The following RSPH14 variants were observed in gnomAD, a reference collection of about 807,000 sequenced individuals.
RSPH14 encodes radial spoke head 14 homolog, also known as rhabdoid tumor deletion region gene 1.
A neutral mutation model predicts 26.7 loss-of-function variants in RSPH14; 20 were observed. The observed-to-expected ratio is 0.75, with a 90% CI of 0.53 to 1.09. RSPH14 has a LOEUF of 1.09. RSPH14 is among the 50% of genes least tolerant of loss of function. The pLI is 0.00. For synonymous variants in RSPH14, 177 were observed against 189.3 expected (o/e 0.93, Z 0.53); for missense variants, 449 against 457.2 (o/e 0.98, Z 0.16).
chr22:23,157,094 G>C, the RSPH14 span, among the ~76,000 whole-genome samples: 2 of 152,174 alleles, frequency 1.3e-5, no homozygotes, highest in South Asian at 2.1e-4. Context: ...AACAGGACCG[G>C]GGTGCGGCCA....
chr22:23,103,274 GTTC>G (rs1246593900), intron 4 of RSPH14, among the ~76,000 whole-genome samples: 1 of 152,190 alleles, frequency 6.6e-6, no homozygotes, highest in East Asian at 1.9e-4. Context: ...CTACAAAACA[GTTC>G]TACTCCTCCC....
the RSPH14 span, chr22:23,180,359 A>AG: frequency 6.6e-6 from 1 of 151,528 alleles, no homozygotes; most frequent in Non-Finnish European, 1.4e-5. Context: ...CAAAAGGCAC[A>AG]GGGACGGGGG....
intron 4 of RSPH14, among the ~76,000 whole-genome samples, chr22:23,081,549 A>G (rs551886303): frequency 4.6e-5 from 7 of 151,876 alleles, no homozygotes; most frequent in Admixed American, 3.3e-4. Flanking sequence ...TTATAGGCCA[A>G]TCAGGTTCAT....
At chr22:23,153,205 C>T in the RSPH14 span, 26 of 1,153,682 alleles carry the variant, frequency 2.3e-5, no homozygotes, top group Middle Eastern at 2.0e-4. Context: ...TTGGGGAGCT[C>T]CTTCACTGTG....
intron 4 of RSPH14, among the ~76,000 whole-genome samples, chr22:23,097,419 G>A (rs2069157624): frequency 6.6e-6 from 1 of 152,222 alleles, no homozygotes; most frequent in Non-Finnish European, 1.5e-5. Flanking sequence ...AGTGGCCATG[G>A]TGCTAGGAGC....
intron 4 of RSPH14, among the ~76,000 whole-genome samples, chr22:23,130,530 A>AAGAAAGAAAGAAAGAAAGAG (rs1569193238): frequency 8.0e-6 from 1 of 124,392 alleles, no homozygotes; most frequent in African/African-American, 3.0e-5. Context: ...GAAAGAAAGA[A>AAGAAAGAAAGAAAGAAAGAG]AGAGAAAGAA....
intron 4 of RSPH14, among the ~76,000 whole-genome samples, chr22:23,102,992 T>C (rs2069349631): frequency 6.6e-6 from 1 of 152,144 alleles, no homozygotes; most frequent in African/African-American, 2.4e-5. Context: ...CTGGTAAGCC[T>C]TGAGGGAGGA....
upstream of RSPH14, chr22:23,145,350 G>T: frequency 3.7e-6 from 6 of 1,601,032 alleles, no homozygotes; most frequent in Non-Finnish European, 5.1e-6. Flanking sequence ...CAGACTCCAG[G>T]CAGGTTCTCG....
At chr22:23,146,092 G>A (rs2070755053), upstream of RSPH14, 1 of 904,124 alleles carries the variant, frequency 1.1e-6, no homozygotes, top group Non-Finnish European at 1.3e-6. Context: ...CAGGTCTTCT[G>A]ACTCCCAGGC....
intron 4 of RSPH14, among the ~76,000 whole-genome samples, chr22:23,118,477 G>A (rs972385225): frequency 1.5e-5 from 2 of 137,412 alleles, no homozygotes; most frequent in African/African-American, 2.7e-5. Flanking sequence ...TCCCCGCCCC[G>A]CCCCACCCCC....
chr22:23,112,440 G>A (rs558240591), intron 4 of RSPH14, among the ~76,000 whole-genome samples: 70 of 152,270 alleles, frequency 4.6e-4, no homozygotes, highest in African/African-American at 1.5e-3. Context: ...GAAGAGGTGC[G>A]GGGAGCATGC....
intron 4 of RSPH14, among the ~76,000 whole-genome samples, chr22:23,112,671 T>A (rs1412723853): frequency 6.6e-6 from 1 of 151,536 alleles, no homozygotes; most frequent in African/African-American, 2.4e-5. Flanking sequence ...ACCAGCGGGG[T>A]GGGAATGGCA....
In RSPH14 at chr22:23,063,952, G is replaced by C; in HGVS notation, c.603C>G (p.Ser201Arg). 6.2e-7 allele frequency: 1 copy of C among 1,614,160 alleles called. No individual in the cohort carries two copies. Among genetic ancestry groups the C allele is most frequent in the East Asian group, 2.2e-5 (1 of 44,876 alleles). ...VVLVLKQKLL[S>R]ANQNIRSKAA... ...CCTTGCTGCGGATGTTCTGGTTGGC[G>C]CTGAGGAGCTTCTGCTTCAGGACAA... Residue 201 changes from serine (S) to arginine (R), a missense_variant, in exon 5 of 7, where the codon AGC becomes AGG. Transcript: ENST00000216036.
At position 23,138,378 on chromosome 22, in the gene RSPH14, G is replaced by C. The variant is rs372335529; in HGVS notation, c.302+462C>G. ...GGAATTTGAAACCAGGCTGGCCAAC[G>C]TGGTGAAACCAGTCTCTACTAAAAA... On this transcript the variant is annotated intron_variant, in intron 3 of 6. Coordinates refer to ENST00000216036, the MANE Select transcript of RSPH14 (RefSeq NM_014433.3). Among the ~76,000 whole-genome samples the C allele has an allele frequency of 1.1e-4, 16 of 152,036 alleles. 1 individual carries two copies. In the East Asian group the frequency reaches 1.4e-3, roughly 13 times the overall value.
intron 4 of RSPH14, among the ~76,000 whole-genome samples, chr22:23,110,550 G>A (rs1051787986): frequency 5.9e-5 from 9 of 152,170 alleles, no homozygotes; most frequent in Admixed American, 2.6e-4. Context: ...GGGTACCCTC[G>A]CTACCAGAGA....
At chr22:23,145,227 C>T (rs2070697061), upstream of RSPH14, 4 of 846,992 alleles carry the variant, frequency 4.7e-6, no homozygotes, top group South Asian at 4.8e-5. Context: ...CAGGCTCCGC[C>T]CCCGGGCCTC....
chr22:23,064,587 G>A (rs2146214345), intron 4 of RSPH14, among the ~76,000 whole-genome samples: 1 of 152,288 alleles, frequency 6.6e-6, no homozygotes, highest in African/African-American at 2.4e-5. Flanking sequence ...AAAGCTGCTG[G>A]AGACCCCACA....
intron 4 of RSPH14, 151 bp from the exon 5 acceptor site, chr22:23,064,284 G>A (rs1235848291): frequency 8.6e-6 from 6 of 698,952 alleles, no homozygotes; most frequent in South Asian, 3.6e-5. Flanking sequence ...CACACGTCCC[G>A]CCTGGCCAGG....
chr22:23,160,649 G>A, the RSPH14 span, among the ~76,000 whole-genome samples: 2 of 152,152 alleles, frequency 1.3e-5, no homozygotes, highest in African/African-American at 4.8e-5. Flanking sequence ...GGTGGGAGTT[G>A]GGAGGCTGGA....
Sources: allele counts gnomAD v4.1 joint callset (sites outside exome capture counted in the v4.1 genomes callset), GRCh38; gene constraint gnomAD v4.1.1; transcripts MANE v1.5; gene names NCBI Gene and HGNC (gene_info 2026-07-23, HGNC 2026-07-21).